EIF3H: variants seen among roughly 807,000 people sequenced by gnomAD.
EIF3H encodes eukaryotic translation initiation factor 3 subunit H, also known as eIF-3-gamma.
In EIF3H, 26 loss-of-function variants were observed where a neutral mutation model predicts 44.2. The observed-to-expected ratio is 0.59, with a 90% confidence interval of 0.43 to 0.82. The LOEUF is 0.82. EIF3H is among the 40% of genes least tolerant of loss of function. EIF3H has a pLI of 0.00. For missense variants in EIF3H, 359 were observed against 432.8 expected, an observed-to-expected ratio of 0.83 and a Z score of 1.51; for synonymous variants, 166 against 151.9, an observed-to-expected ratio of 1.09 and a Z score of -0.68.
At chr8:116,675,323 T>C (rs879590026) in intron 2 of EIF3H, among the ~76,000 whole-genome samples, 63 of 152,364 alleles carry the variant, frequency 4.1e-4, no homozygotes, top group Admixed American at 4.6e-4. Flanking sequence ...ATTCCCAGTA[T>C]ATACAGATCC....
intron 1 of EIF3H, among the ~76,000 whole-genome samples, chr8:116,733,133 A>G (rs1456213210): frequency 6.6e-6 from 1 of 152,192 alleles, no homozygotes; most frequent in Admixed American, 6.5e-5. Context: ...GAAACACTTT[A>G]CTTACATTTA....
chr8:116,658,687 T>G, intron 3 of EIF3H, 126 bp downstream of exon 3: 2 of 861,076 alleles, frequency 2.3e-6, no homozygotes. Flanking sequence ...CTGAGGCTGC[T>G]GCAGAAACAG....
Position 116,716,237 on chromosome 8 carries a change from T to C in EIF3H, c.289+9779A>G, listed in dbSNP as rs143949825. 3.8e-3 allele frequency among the ~76,000 whole-genome samples: 585 copies of C among 152,246 alleles called. 5 individuals carry two copies. Among genetic ancestry groups the C allele is most frequent in the African/African-American group, 0.014 (565 of 41,568 alleles). On this transcript the variant is annotated intron_variant, in intron 2 of 7. Transcript: ENST00000521861. The stretch of plus-strand genomic sequence containing the variant: ...AATTGGTTCAGAAGTTATTCTATGT[T>C]GCACAGCTCCAAAGTATAAAGCTGA...
chr8:116,681,896 C>T (rs1211884165), intron 2 of EIF3H, among the ~76,000 whole-genome samples: 1 of 151,856 alleles, frequency 6.6e-6, no homozygotes, highest in Non-Finnish European at 1.5e-5. Context: ...CACATGCTCA[C>T]AAAAGTGATA....
intron 2 of EIF3H, among the ~76,000 whole-genome samples, chr8:116,679,291 A>T (rs1586450843): frequency 2.5e-5 from 1 of 40,444 alleles, no homozygotes. Context: ...TCCGGGAGGG[A>T]GGTGGGGGGG....
At chr8:116,745,828 C>T (rs1563660608) in intron 1 of EIF3H, among the ~76,000 whole-genome samples, 1 of 151,374 alleles carries the variant, frequency 6.6e-6, no homozygotes. Context: ...CTGAGGGGCA[C>T]GAGAATCGCT....
At chr8:116,677,796 C>T (rs1258171956) in intron 2 of EIF3H, among the ~76,000 whole-genome samples, 1 of 152,112 alleles carries the variant, frequency 6.6e-6, no homozygotes, top group Non-Finnish European at 1.5e-5. Flanking sequence ...ATGTTTATGT[C>T]CTGTGATTCT....
At chr8:116,755,122 C>A (rs1376593713) in intron 1 of EIF3H, among the ~76,000 whole-genome samples, 2 of 152,174 alleles carry the variant, frequency 1.3e-5, no homozygotes, top group South Asian at 4.1e-4. Flanking sequence ...ACATTTAAGG[C>A]CCTTCTCTTT....
chr8:116,670,709 G>A (rs1452737496), intron 2 of EIF3H, among the ~76,000 whole-genome samples: 2 of 152,132 alleles, frequency 1.3e-5, no homozygotes, highest in Non-Finnish European at 2.9e-5. Context: ...TCACATTTTT[G>A]ATACTCTCAG....
intron 2 of EIF3H, among the ~76,000 whole-genome samples, chr8:116,670,614 G>C (rs1003905366): frequency 1.3e-5 from 2 of 152,182 alleles, no homozygotes; most frequent in African/African-American, 4.8e-5. Context: ...CCCGCAAGGT[G>C]ATATGACCAG....
At chr8:116,707,852 A>G (rs1363155222) in intron 2 of EIF3H, among the ~76,000 whole-genome samples, 4 of 152,132 alleles carry the variant, frequency 2.6e-5, no homozygotes, top group African/African-American at 7.2e-5. Context: ...TATTATTCAG[A>G]CCATTCCCCG....
chr8:116,658,987 G>C lies in EIF3H; in HGVS notation c.290-7C>G. The C allele has an allele frequency of 6.3e-7, 1 of 1,585,366 alleles. No homozygotes were observed. ...ATTTCCATCTGATATTGGACTGGATGATGGGGAAGAGGAAATTAAAAGAAA... is the reference window on the plus strand; with the variant it reads ...ATTTCCATCTGATATTGGACTGGATCATGGGGAAGAGGAAATTAAAAGAAA... On this transcript the variant is annotated splice_polypyrimidine_tract_variant and splice_region_variant and intron_variant, in intron 2 of 7. Coordinates refer to ENST00000521861, the MANE Select transcript of EIF3H (RefSeq NM_003756.3).
intron 2 of EIF3H, among the ~76,000 whole-genome samples, chr8:116,674,588 T>C (rs1489971167): frequency 6.6e-6 from 1 of 152,150 alleles, no homozygotes; most frequent in Non-Finnish European, 1.5e-5. Context: ...CAAGAACACA[T>C]ATGTTCAGAA....
intron 1 of EIF3H, among the ~76,000 whole-genome samples, chr8:116,743,661 G>A (rs1815167682): frequency 6.6e-6 from 1 of 150,444 alleles, no homozygotes; most frequent in Non-Finnish European, 1.5e-5. Flanking sequence ...GGGAGGCTAA[G>A]GTGGGAGGAT....
intron 2 of EIF3H, among the ~76,000 whole-genome samples, chr8:116,693,835 G>C (rs1360053080): frequency 6.6e-6 from 1 of 152,078 alleles, no homozygotes; most frequent in Non-Finnish European, 1.5e-5. Flanking sequence ...GCACCACCAC[G>C]TGGCTATTTT....
intron 2 of EIF3H, among the ~76,000 whole-genome samples, chr8:116,712,516 T>C (rs1207113335): frequency 2.6e-5 from 4 of 152,190 alleles, no homozygotes; most frequent in Admixed American, 6.5e-5. Context: ...AAATAAATAC[T>C]GCCTTTGTTT....
At position 116,655,844 on chromosome 8, in the gene EIF3H, A is replaced by G; in HGVS notation, c.707+12T>C. The stretch of plus-strand genomic sequence containing the variant: ...CTAAAACATGGGCTTTTCATTAGGC[A>G]GGGCCACTTACCTGCTGGCAAGGCT... On this transcript the variant is annotated intron_variant, in intron 5 of 7. Coordinates refer to ENST00000521861, the MANE Select transcript of EIF3H (RefSeq NM_003756.3). 6.2e-7 allele frequency: 1 copy of G among 1,613,292 alleles called. No homozygotes were observed. The highest frequency in any genetic ancestry group is 8.5e-7 in the Non-Finnish European group (1 of 1,179,564).
intron 2 of EIF3H, among the ~76,000 whole-genome samples, chr8:116,712,166 C>G (rs1814583230): frequency 6.6e-6 from 1 of 152,202 alleles, no homozygotes; most frequent in Non-Finnish European, 1.5e-5. Flanking sequence ...TGCCACAAGT[C>G]TAGGGAGCCC....
intron 2 of EIF3H, among the ~76,000 whole-genome samples, chr8:116,698,740 A>C (rs1411867949): frequency 1.3e-5 from 2 of 152,192 alleles, no homozygotes; most frequent in East Asian, 1.9e-4. Flanking sequence ...TCTGCAACTT[A>C]ATGTTGCCAA....
Sources: gnomAD v4.1 joint callset for allele counts (sites outside exome capture counted in the v4.1 genomes callset) on GRCh38, gnomAD v4.1.1 for gene constraint, MANE v1.5 for transcripts, NCBI Gene and HGNC (gene_info 2026-07-23, HGNC 2026-07-21) for gene names.